Variants in FSTL4 observed in about 807,000 individuals in gnomAD.
FSTL4 encodes follistatin like 4.
A neutral mutation model predicts 78.2 loss-of-function variants in FSTL4; 28 were observed. The ratio of observed to expected loss-of-function variants is 0.36; its 90% CI spans 0.27 to 0.49. FSTL4 has a LOEUF of 0.49. Among genes scored for constraint, FSTL4 ranks in the 20% least tolerant of loss-of-function variants. The pLI, the probability that FSTL4 is intolerant of heterozygous loss-of-function variation, is 0.98. For missense variants in FSTL4, 922 were observed against 1,084.9 expected, an observed-to-expected ratio of 0.85 and a Z score of 2.11; for synonymous variants, 422 against 440.5, an observed-to-expected ratio of 0.96 and a Z score of 0.53.
At chr5:133,812,407 T>C in the FSTL4 span, among the ~76,000 whole-genome samples, 44 of 152,328 alleles carry the variant, frequency 2.9e-4, no homozygotes, top group African/African-American at 1.1e-3. Context: ...CCCCTGACAC[T>C]TCTCCATCCC....
chr5:133,615,000 A>G (rs1394804537), upstream of FSTL4, among the ~76,000 whole-genome samples: 18 of 152,226 alleles, frequency 1.2e-4, no homozygotes, highest in Non-Finnish European at 2.4e-4. Flanking sequence ...ACACAACAAT[A>G]TAATGAAAAA....
At chr5:133,570,746 T>C (rs1356544344) in intron 2 of FSTL4, among the ~76,000 whole-genome samples, 1 of 152,082 alleles carries the variant, frequency 6.6e-6, no homozygotes, top group East Asian at 1.9e-4. Flanking sequence ...TTTGAAGGCA[T>C]CCAACAGCAA....
At chr5:133,462,667 A>T (rs1757617027) in intron 3 of FSTL4, among the ~76,000 whole-genome samples, 1 of 152,174 alleles carries the variant, frequency 6.6e-6, no homozygotes. Context: ...CTGAAGAGAT[A>T]GTCTTTTTCC....
intron 3 of FSTL4, among the ~76,000 whole-genome samples, chr5:133,509,142 C>T (rs1319837215): frequency 6.6e-6 from 1 of 152,088 alleles, no homozygotes; most frequent in Non-Finnish European, 1.5e-5. Flanking sequence ...AGGCCTATTC[C>T]AGCCACCCCA....
chr5:133,410,364 T>G (rs1756454327), intron 3 of FSTL4, among the ~76,000 whole-genome samples: 1 of 152,162 alleles, frequency 6.6e-6, no homozygotes, highest in Admixed American at 6.5e-5. Context: ...CTGGGCTCCC[T>G]CCGTCTTGGA....
the FSTL4 span, among the ~76,000 whole-genome samples, chr5:133,771,078 C>A: frequency 6.6e-6 from 1 of 152,012 alleles, no homozygotes; most frequent in African/African-American, 2.4e-5. Flanking sequence ...TTCCATTGAT[C>A]CATGTGTCTG....
intron 3 of FSTL4, among the ~76,000 whole-genome samples, chr5:133,449,610 G>T (rs1757341627): frequency 6.6e-6 from 1 of 152,168 alleles, no homozygotes; most frequent in South Asian, 2.1e-4. Flanking sequence ...GGATTACAGG[G>T]AGAGCCTTCC....
At chr5:133,528,232 A>G (rs1005139221) in intron 3 of FSTL4, among the ~76,000 whole-genome samples, 4 of 152,330 alleles carry the variant, frequency 2.6e-5, no homozygotes, top group Admixed American at 2.0e-4. Context: ...TGAGCTGCCC[A>G]TTAGGCCTCA....
At chr5:133,720,118 C>A in the FSTL4 span, among the ~76,000 whole-genome samples, 65 of 152,224 alleles carry the variant, frequency 4.3e-4, no homozygotes, top group African/African-American at 1.5e-3. Flanking sequence ...TCTGTTAGAT[C>A]AGAAACTTAG....
chr5:133,430,488 G>A (rs946537512), intron 3 of FSTL4, among the ~76,000 whole-genome samples: 2 of 152,166 alleles, frequency 1.3e-5, no homozygotes, highest in African/African-American at 2.4e-5. Context: ...CTTGGGAGAG[G>A]AATAGCCAAG....
At position 133,201,887 on chromosome 5, in the gene FSTL4, G is replaced by T. The variant is rs865978436; in HGVS notation, c.1826+46C>A. 5.4e-6 allele frequency: 6 copies of T among 1,118,748 alleles called. 1 individual carries two copies. In the Middle Eastern group the frequency reaches 1.2e-3, roughly 229 times the overall value. The allele number at this position is 1,118,748 out of a possible 1,614,324, so 69.3% of individuals were successfully genotyped here. A position where few individuals can be genotyped will look rare whatever the true frequency, so the allele number is the denominator to read the frequency against. ...GGGCAATGCTGCCCCTTGCAGGGCT[G>T]AGCTGGAGCGGGGAGTGCCTTAGAG... On this transcript the variant is annotated intron_variant, in intron 15 of 15. Coordinates refer to ENST00000265342, the MANE Select transcript of FSTL4 (RefSeq NM_015082.2).
chr5:133,393,365 T>G (rs577666254), intron 4 of FSTL4, among the ~76,000 whole-genome samples: 13 of 152,306 alleles, frequency 8.5e-5, no homozygotes, highest in African/African-American at 1.9e-4. Context: ...TCAGGCCCGG[T>G]GTTCTGATCA....
the FSTL4 span, among the ~76,000 whole-genome samples, chr5:133,671,149 A>G: frequency 6.6e-6 from 1 of 152,200 alleles, no homozygotes; most frequent in Non-Finnish European, 1.5e-5. Flanking sequence ...GAGGTGCCCC[A>G]GCTGATGGCA....
chr5:133,811,266 C>T, the FSTL4 span, among the ~76,000 whole-genome samples: 1 of 152,196 alleles, frequency 6.6e-6, no homozygotes, highest in Non-Finnish European at 1.5e-5. Flanking sequence ...ACCACTTCCC[C>T]CGAGCACTTT....
chr5:133,722,747 C>T, the FSTL4 span, among the ~76,000 whole-genome samples: 2 of 152,168 alleles, frequency 1.3e-5, no homozygotes, highest in Non-Finnish European at 2.9e-5. Flanking sequence ...GAGTGGCTTT[C>T]AGAGGGGAAG....
At chr5:133,804,220 C>T in the FSTL4 span, among the ~76,000 whole-genome samples, 122 of 152,328 alleles carry the variant, frequency 8.0e-4, 1 homozygote, top group African/African-American at 2.7e-3. Context: ...ATAAAGGCAA[C>T]AAGACCAAAG....
chr5:133,449,487 C>T (rs1052060441), intron 3 of FSTL4, among the ~76,000 whole-genome samples: 6 of 152,178 alleles, frequency 3.9e-5, no homozygotes, highest in African/African-American at 1.4e-4. Flanking sequence ...AAGGCAGGAG[C>T]TGTGGCTGGG....
chr5:133,514,529 TAG>T (rs1758814978), intron 3 of FSTL4, among the ~76,000 whole-genome samples: 1 of 152,130 alleles, frequency 6.6e-6, no homozygotes, highest in South Asian at 2.1e-4. Context: ...GGGCAGGCAA[TAG>T]AGTTTCCACT....
chr5:133,499,708 T>G (rs1285667416), intron 3 of FSTL4, among the ~76,000 whole-genome samples: 1 of 152,146 alleles, frequency 6.6e-6, no homozygotes, highest in Non-Finnish European at 1.5e-5. Flanking sequence ...TTGGGGCCTC[T>G]GACATGCTGC....
Sources: gnomAD v4.1 joint callset for allele counts (sites outside exome capture counted in the v4.1 genomes callset) on GRCh38, gnomAD v4.1.1 for gene constraint, MANE v1.5 for transcripts, NCBI Gene and HGNC (gene_info 2026-07-23, HGNC 2026-07-21) for gene names.